The following SWAP70 variants were observed in gnomAD, a reference collection of about 807,000 sequenced individuals.
The protein encoded by SWAP70 is switch-associated protein 70.
In SWAP70, 34 loss-of-function variants were observed where a neutral mutation model predicts 80.2. The ratio of observed to expected loss-of-function variants is 0.42; its 90% CI spans 0.32 to 0.56. The LOEUF is 0.56. Ranked by LOEUF, SWAP70 falls within the 20% of genes least tolerant of loss-of-function variation. The pLI is 0.09. For missense variants in SWAP70, 578 were observed against 690.7 expected (o/e 0.84, Z 1.83); for synonymous variants, 239 against 238.5 (o/e 1.00, Z -0.02).
At chr11:9,670,301 A>T (rs934965430) in intron 1 of SWAP70, among the ~76,000 whole-genome samples, 1 of 152,202 alleles carries the variant, frequency 6.6e-6, no homozygotes, top group Non-Finnish European at 1.5e-5. Flanking sequence ...TCAGATGTCA[A>T]CTACAGTTGA....
intron 7 of SWAP70, among the ~76,000 whole-genome samples, chr11:9,735,299 A>G (rs1851349159): frequency 6.6e-6 from 1 of 152,150 alleles, no homozygotes; most frequent in South Asian, 2.1e-4. Flanking sequence ...TTCACTTAAT[A>G]TATTTTTTAG....
At chr11:9,681,503 G>A (rs1282080305) in intron 1 of SWAP70, among the ~76,000 whole-genome samples, 5 of 152,158 alleles carry the variant, frequency 3.3e-5, no homozygotes, top group Non-Finnish European at 5.9e-5. Context: ...GCAGAGATAC[G>A]GTTTTAAAAT....
At chr11:9,696,332 G>A (rs1162273632) in intron 2 of SWAP70, among the ~76,000 whole-genome samples, 1 of 152,182 alleles carries the variant, frequency 6.6e-6, no homozygotes, top group East Asian at 1.9e-4. Flanking sequence ...TAAAATTGGT[G>A]ATGAAAAAGT....
chr11:9,675,395 G>A (rs1850483053), intron 1 of SWAP70, among the ~76,000 whole-genome samples: 1 of 132,998 alleles, frequency 7.5e-6, no homozygotes, highest in South Asian at 2.8e-4. Flanking sequence ...GAGAGAGAGA[G>A]AGAGAGAGAG....
intron 3 of SWAP70, among the ~76,000 whole-genome samples, chr11:9,723,308 A>G (rs968284156): frequency 6.6e-5 from 10 of 152,172 alleles, no homozygotes; most frequent in African/African-American, 2.4e-4. Context: ...AACATTTTAT[A>G]TCATGACCCA....
intron 1 of SWAP70, among the ~76,000 whole-genome samples, chr11:9,684,883 G>A (rs1010370229): frequency 7.9e-5 from 12 of 152,190 alleles, no homozygotes; most frequent in Admixed American, 6.5e-5. Flanking sequence ...TACTTCATTA[G>A]GTTTTGGTAT....
At chr11:9,740,759 A>G (rs1306780123) in intron 9 of SWAP70, 1 of 206,924 alleles carries the variant, frequency 4.8e-6, no homozygotes, top group Non-Finnish European at 9.9e-6. Flanking sequence ...GTTTTGAGGA[A>G]TAAGGAAGAA....
chr11:9,671,100 T>C (rs943755022), intron 1 of SWAP70, among the ~76,000 whole-genome samples: 8 of 138,446 alleles, frequency 5.8e-5, no homozygotes, highest in African/African-American at 2.1e-4. Context: ...TATATATAAA[T>C]ATATAAATAT....
chr11:9,704,401 T>C (rs1850873260), intron 2 of SWAP70, among the ~76,000 whole-genome samples: 1 of 141,548 alleles, frequency 7.1e-6, no homozygotes, highest in African/African-American at 2.5e-5. Context: ...TATTTTATTT[T>C]ATTTTACTTT....
At chr11:9,681,912 A>C (rs559213154) in intron 1 of SWAP70, among the ~76,000 whole-genome samples, 1 of 152,314 alleles carries the variant, frequency 6.6e-6, no homozygotes, top group African/African-American at 2.4e-5. Flanking sequence ...GAACATGAAA[A>C]GTGTTGAGAG....
intron 9 of SWAP70, among the ~76,000 whole-genome samples, chr11:9,743,999 G>A (rs1229405025): frequency 1.4e-5 from 2 of 142,158 alleles, no homozygotes; most frequent in Admixed American, 1.5e-4. Flanking sequence ...GTCTCGCTCT[G>A]TCACCCAGAC....
intron 1 of SWAP70, among the ~76,000 whole-genome samples, chr11:9,692,793 A>G (rs1850712370): frequency 6.6e-6 from 1 of 152,174 alleles, no homozygotes; most frequent in African/African-American, 2.4e-5. Context: ...ATTCTCCAAT[A>G]AAAGCTCCAC....
chr11:9,713,529 A>T lies in SWAP70; in HGVS notation c.304A>T (p.Asn102Tyr). The change falls in exon 3 of 12, where the codon AAC (asparagine) becomes TAC (tyrosine). Residue 102 changes from asparagine to tyrosine, a missense_variant. By Grantham distance (143) the Asn-to-Tyr change is moderately radical. Transcript: ENST00000318950. ...RMCWTLCVKKNLTKNPLLITE... is the reference protein window; with the variant it reads ...RMCWTLCVKKYLTKNPLLITE... ...GTGTTGGACCCTCTGTGTCAAAAAA[A>T]ACCTCACAAAGAATCCCCTGCTCAT... is the stretch of plus-strand genomic sequence containing the variant. 1 of 1,614,080 alleles carries T rather than the reference A, an allele frequency of 6.2e-7. No homozygotes were observed. The highest frequency in any genetic ancestry group is 8.5e-7 in the Non-Finnish European group (1 of 1,179,974).
intron 1 of SWAP70, among the ~76,000 whole-genome samples, chr11:9,682,253 G>A (rs767126560): frequency 3.9e-5 from 6 of 152,172 alleles, no homozygotes; most frequent in Non-Finnish European, 5.9e-5. Flanking sequence ...AGCGGCTCAC[G>A]CAGTAGAGAC....
At chr11:9,707,886 A>ATT (rs34942425) in intron 2 of SWAP70, among the ~76,000 whole-genome samples, 33,346 of 151,868 alleles carry the variant, frequency 0.22, 4,840 homozygotes, top group Non-Finnish European at 0.32. Context: ...TTAAAAAAAA[A>ATT]TTTTTTTAAA....
At chr11:9,722,407 C>T (rs1010978210) in intron 3 of SWAP70, among the ~76,000 whole-genome samples, 1 of 152,226 alleles carries the variant, frequency 6.6e-6, no homozygotes, top group Non-Finnish European at 1.5e-5. Context: ...AGAAAAGGAA[C>T]ACGTGACCTG....
rs763660318 is a variant in SWAP70, at chr11:9,724,828, T to C, written c.585T>C (p.Thr195=). ...TTAGCAAAGGCATGGACCGGCAGAC[T>C]GTGTCTATGGCAATTAATGAAGTCT... ...GQFSKGMDRQ[T]VSMAINEVFN... is the part of the protein sequence containing the mutation. The change falls in exon 4 of 12, where the codon ACT becomes ACC. Residue 195 remains threonine (T), a synonymous_variant. Coordinates refer to ENST00000318950, the MANE Select transcript of SWAP70 (RefSeq NM_015055.4). 6 of 1,614,090 alleles carry C rather than the reference T, an allele frequency of 3.7e-6. No homozygotes were observed. The East Asian group carries it at 6.7e-5, about 18-fold the overall frequency.
At chr11:9,684,427 A>G (rs1181036750) in intron 1 of SWAP70, among the ~76,000 whole-genome samples, 4 of 152,250 alleles carry the variant, frequency 2.6e-5, no homozygotes, top group African/African-American at 4.8e-5. Context: ...GTGACTTCAC[A>G]TTTTCTCTTG....
chr11:9,733,151 T>C (rs1851321908), intron 7 of SWAP70, among the ~76,000 whole-genome samples: 1 of 152,172 alleles, frequency 6.6e-6, no homozygotes, highest in African/African-American at 2.4e-5. Flanking sequence ...GAGTTAAAGA[T>C]ACAGTCTGGG....
Sources: allele counts gnomAD v4.1 joint callset (sites outside exome capture counted in the v4.1 genomes callset), GRCh38; gene constraint gnomAD v4.1.1; transcripts MANE v1.5; gene names NCBI Gene and HGNC (gene_info 2026-07-23, HGNC 2026-07-21).